Variants in STXBP5L observed in about 807,000 individuals in gnomAD.
STXBP5L encodes syntaxin-binding protein 5-like.
STXBP5L carries 65 observed loss-of-function variants against 144.5 expected under a neutral mutation model. That is an observed-to-expected ratio of 0.45 (90% CI 0.37 to 0.55). STXBP5L has a LOEUF of 0.55. Among genes scored for constraint, STXBP5L ranks in the 20% least tolerant of loss-of-function variants. The pLI is 0.00. For synonymous variants in STXBP5L, 505 were observed against 469.6 expected (o/e 1.08, Z -0.97); for missense variants, 1,298 against 1,405.5 (o/e 0.92, Z 1.22).
At chr3:121,004,832 T>C in intron 3 of STXBP5L, among the ~76,000 whole-genome samples, 1 of 152,206 alleles carries the variant, frequency 6.6e-6, no homozygotes, top group East Asian at 1.9e-4. Flanking sequence ...TCATTGGTTT[T>C]ATTTATATGC....
intron 5 of STXBP5L, among the ~76,000 whole-genome samples, chr3:121,089,925 C>G (rs1349356791): frequency 6.6e-6 from 1 of 151,786 alleles, no homozygotes; most frequent in African/African-American, 2.4e-5. Flanking sequence ...GTAATTGGTT[C>G]TTTTTACTTA....
intron 10 of STXBP5L, among the ~76,000 whole-genome samples, chr3:121,211,374 C>G (rs1438007670): frequency 1.3e-5 from 2 of 152,190 alleles, no homozygotes; most frequent in South Asian, 2.1e-4. Flanking sequence ...CATCTGTAAA[C>G]AGGGACAATT....
At chr3:121,039,945 GAGAT>G (rs902231945) in intron 3 of STXBP5L, among the ~76,000 whole-genome samples, 31 of 149,312 alleles carry the variant, frequency 2.1e-4, no homozygotes, top group Admixed American at 6.2e-4. Context: ...TATTCTATTT[GAGAT>G]AGATAGGTAG....
intron 9 of STXBP5L, among the ~76,000 whole-genome samples, chr3:121,187,482 A>C (rs1052128826): frequency 1.3e-5 from 2 of 151,950 alleles, no homozygotes; most frequent in Non-Finnish European, 2.9e-5. Context: ...TGGGTGCAGC[A>C]TACCAACATG....
At chr3:121,028,656 A>G (rs1946140436) in intron 3 of STXBP5L, among the ~76,000 whole-genome samples, 1 of 152,098 alleles carries the variant, frequency 6.6e-6, no homozygotes, top group Admixed American at 6.6e-5. Flanking sequence ...ATCTTGTATA[A>G]GCCATTGGAA....
At chr3:121,344,465 T>C (rs1007799535) in intron 20 of STXBP5L, among the ~76,000 whole-genome samples, 2 of 151,926 alleles carry the variant, frequency 1.3e-5, no homozygotes, top group African/African-American at 2.4e-5. Flanking sequence ...ACAAAAAAAA[T>C]CTGCTACAGG....
At chr3:121,357,696 C>T (rs1382668805) in intron 20 of STXBP5L, 1 of 152,178 alleles carries the variant, frequency 6.6e-6, no homozygotes, top group Non-Finnish European at 1.5e-5. Flanking sequence ...TGGAGAATAA[C>T]ATTGTTGTAG....
intron 20 of STXBP5L, among the ~76,000 whole-genome samples, chr3:121,327,322 ACTGTT>A (rs2044180645): frequency 6.6e-6 from 1 of 152,198 alleles, no homozygotes; most frequent in Non-Finnish European, 1.5e-5. Context: ...AAGCCACCAA[ACTGTT>A]GATTACTCTG....
At chr3:120,996,216 T>A (rs1288268492) in intron 3 of STXBP5L, among the ~76,000 whole-genome samples, 1 of 152,100 alleles carries the variant, frequency 6.6e-6, no homozygotes, top group Admixed American at 6.6e-5. Flanking sequence ...AATTATGATG[T>A]GCCTTGGCAT....
chr3:121,001,868 C>A (rs893863490), intron 3 of STXBP5L, among the ~76,000 whole-genome samples: 1 of 152,196 alleles, frequency 6.6e-6, no homozygotes, highest in Non-Finnish European at 1.5e-5. Flanking sequence ...CTAGCTGTGT[C>A]TAGTCAGCCA....
intron 9 of STXBP5L, among the ~76,000 whole-genome samples, chr3:121,159,133 T>C (rs1047546023): frequency 2.6e-5 from 4 of 151,980 alleles, no homozygotes; most frequent in African/African-American, 9.7e-5. Flanking sequence ...CCATTTTTAT[T>C]TTCTAAAATA....
chr3:120,974,673 T>C (rs536903337), intron 3 of STXBP5L, among the ~76,000 whole-genome samples: 2 of 152,338 alleles, frequency 1.3e-5, no homozygotes, highest in South Asian at 4.1e-4. Context: ...TTTATGGTTT[T>C]AGGTCTGACG....
chr3:121,050,765 C>T (rs541552263), intron 5 of STXBP5L, among the ~76,000 whole-genome samples: 38 of 152,270 alleles, frequency 2.5e-4, no homozygotes, highest in African/African-American at 8.2e-4. Context: ...GGACTAAATG[C>T]TCCAATTAAA....
intron 5 of STXBP5L, among the ~76,000 whole-genome samples, chr3:121,107,604 G>T (rs1172028436): frequency 6.6e-6 from 1 of 152,064 alleles, no homozygotes; most frequent in African/African-American, 2.4e-5. Context: ...GTGCTGTTTT[G>T]GTTACTATAG....
chr3:121,232,643 C>T lies in STXBP5L; in HGVS notation c.1112-973C>T, dbSNP rs115916173. On this transcript the variant is annotated intron_variant, in intron 11 of 26. Coordinates refer to ENST00000471454, the MANE Select transcript of STXBP5L (RefSeq NM_001308330.2). The stretch of plus-strand genomic sequence containing the variant: ...TTTAGAGAAGTCCGATTTGGGTCAC[C>T]AACTTTGTTATTGAACTAAACTGGG... Among the ~76,000 whole-genome samples, 575 of 152,230 alleles carry T rather than the reference C, an allele frequency of 3.8e-3. 3 individuals are homozygous for T. Among genetic ancestry groups the T allele is most frequent in the Non-Finnish European group, 3.5e-3 (235 of 68,012 alleles).
At chr3:121,297,743 G>A (rs1043837367) in intron 19 of STXBP5L, among the ~76,000 whole-genome samples, 7 of 152,188 alleles carry the variant, frequency 4.6e-5, no homozygotes, top group Admixed American at 3.3e-4. Flanking sequence ...GACAGAGTGA[G>A]ACTCTGCTCC....
intron 10 of STXBP5L, among the ~76,000 whole-genome samples, chr3:121,208,696 T>G (rs1007454462): frequency 6.6e-6 from 1 of 152,182 alleles, no homozygotes; most frequent in Non-Finnish European, 1.5e-5. Context: ...ACTTCAAGGA[T>G]TATTAAGGTG....
chr3:121,059,482 T>G (rs2041149094), intron 5 of STXBP5L, among the ~76,000 whole-genome samples: 1 of 152,240 alleles, frequency 6.6e-6, no homozygotes, highest in Admixed American at 6.5e-5. Context: ...ATATGAAATT[T>G]AAAGTAGTTT....
chr3:121,351,611 T>C (rs916207181), intron 20 of STXBP5L, among the ~76,000 whole-genome samples: 1 of 152,190 alleles, frequency 6.6e-6, no homozygotes, highest in African/African-American at 2.4e-5. Context: ...GATAGGTAGA[T>C]TGCAAAAATT....
Sources: allele counts gnomAD v4.1 joint callset (sites outside exome capture counted in the v4.1 genomes callset), GRCh38; gene constraint gnomAD v4.1.1; transcripts MANE v1.5; gene names NCBI Gene and HGNC (gene_info 2026-07-23, HGNC 2026-07-21).